PAX5: variants seen among roughly 807,000 people sequenced by gnomAD.
PAX5 encodes paired box protein Pax-5.
In PAX5, 9 loss-of-function variants were observed where a neutral mutation model predicts 43.7. The ratio of observed to expected loss-of-function variants is 0.21; its 90% confidence interval spans 0.12 to 0.36. PAX5 has a LOEUF of 0.36. PAX5 is among the 10% of genes least tolerant of loss of function. The pLI is 1.00. For missense variants in PAX5, 383 were observed against 532.7 expected, an observed-to-expected ratio of 0.72 and a Z score of 2.77; for synonymous variants, 228 against 214.3, an observed-to-expected ratio of 1.06 and a Z score of -0.56.
chr9:36,926,125 T>C (rs973710742), intron 6 of PAX5, among the ~76,000 whole-genome samples: 57 of 152,214 alleles, frequency 3.7e-4, no homozygotes, highest in African/African-American at 1.2e-3. Flanking sequence ...AGCGCAGGAA[T>C]GACTTGCCTA....
chr9:37,029,370 C>A (rs7038881), intron 1 of PAX5, among the ~76,000 whole-genome samples: 4,787 of 152,312 alleles, frequency 0.031, 220 homozygotes, highest in African/African-American at 0.098. Context: ...AAGTTTCCGG[C>A]GCTGACACCC....
intron 1 of PAX5, among the ~76,000 whole-genome samples, chr9:37,028,305 G>A (rs549940924): frequency 2.0e-5 from 3 of 152,076 alleles, no homozygotes; most frequent in Non-Finnish European, 2.9e-5. Context: ...CTCCTTCCAC[G>A]GAAATATTTC....
intron 1 of PAX5, 140 bp downstream of exon 1, chr9:37,033,846 A>G: frequency 1.4e-6 from 1 of 692,410 alleles, no homozygotes; most frequent in Admixed American, 2.5e-5. Context: ...AGGTGAAAAA[A>G]CATAACAAAC....
chr9:36,941,355 T>A (rs1803401992), intron 6 of PAX5, among the ~76,000 whole-genome samples: 1 of 152,240 alleles, frequency 6.6e-6, no homozygotes, highest in South Asian at 2.1e-4. Context: ...TTACTACCGC[T>A]ATTATTCCTC....
intron 5 of PAX5, among the ~76,000 whole-genome samples, chr9:37,001,946 T>G (rs541332793): frequency 6.7e-6 from 1 of 150,264 alleles, no homozygotes; most frequent in South Asian, 2.1e-4. Context: ...CCAGTTAAGG[T>G]GTCCGGTGTC....
chr9:36,889,091 T>C (rs1021097132), intron 7 of PAX5, among the ~76,000 whole-genome samples: 2 of 152,228 alleles, frequency 1.3e-5, no homozygotes, highest in Non-Finnish European at 2.9e-5. Context: ...TCTTTGTTAC[T>C]CTTCTCATGG....
intron 7 of PAX5, among the ~76,000 whole-genome samples, chr9:36,885,448 G>A (rs562783369): frequency 1.2e-4 from 18 of 152,240 alleles, no homozygotes; most frequent in Admixed American, 5.9e-4. Context: ...AATAGCCAGC[G>A]CTTACGGAGA....
At chr9:36,890,924 A>G (rs1827326670) in intron 7 of PAX5, among the ~76,000 whole-genome samples, 1 of 152,206 alleles carries the variant, frequency 6.6e-6, no homozygotes, top group Non-Finnish European at 1.5e-5. Flanking sequence ...GGATCACCTG[A>G]GGTCAGGAGT....
At chr9:36,885,562 G>A (rs920492603) in intron 7 of PAX5, among the ~76,000 whole-genome samples, 3 of 152,308 alleles carry the variant, frequency 2.0e-5, no homozygotes, top group African/African-American at 7.2e-5. Context: ...CTGAGGCACA[G>A]AGCATTTAAG....
In PAX5 at chr9:36,837,186, C is replaced by T. The variant is rs1047526559; in HGVS notation, c.*3374G>A. The T allele has an allele frequency of 1.7e-5, 4 of 233,016 alleles. No homozygotes were observed. The highest frequency in any genetic ancestry group is 2.5e-5 in the Non-Finnish European group (3 of 117,976). 14.4% of individuals were successfully genotyped at this position (233,016 alleles called of 1,614,324 possible). A position where few individuals can be genotyped will look rare whatever the true frequency, so the allele number is the denominator to read the frequency against. On this transcript the variant is annotated 3_prime_UTR_variant, in exon 10 of 10. Coordinates refer to ENST00000358127, the MANE Select transcript of PAX5 (RefSeq NM_016734.3). ...TGGGGCCTGGAGATCTGAGAATTCA[C>T]TTCGCCTCTATGTTGCCGTGAGAGC...
intron 3 of PAX5, among the ~76,000 whole-genome samples, chr9:37,008,686 C>T (rs570794961): frequency 6.6e-6 from 1 of 152,280 alleles, no homozygotes; most frequent in Admixed American, 6.5e-5. Context: ...TTGAGCTCAG[C>T]AAGGAGCCTC....
chr9:37,029,016 C>T (rs755455603), intron 1 of PAX5, among the ~76,000 whole-genome samples: 3 of 152,184 alleles, frequency 2.0e-5, no homozygotes, highest in Admixed American at 6.5e-5. Flanking sequence ...GCCATCTGGG[C>T]CCTGGCTCAA....
At chr9:37,024,322 C>T (rs933213434) in intron 1 of PAX5, among the ~76,000 whole-genome samples, 5 of 152,026 alleles carry the variant, frequency 3.3e-5, no homozygotes, top group Non-Finnish European at 7.4e-5. Context: ...AGTCCCTGCT[C>T]CTCTCCAAAG....
At chr9:36,885,453 C>T (rs3780140) in intron 7 of PAX5, among the ~76,000 whole-genome samples, 43,707 of 152,028 alleles carry the variant, frequency 0.29, 7,556 homozygotes, top group Non-Finnish European at 0.39. Flanking sequence ...CCAGCGCTTA[C>T]GGAGAGTAAA....
chr9:36,917,453 A>G (rs189769759), intron 7 of PAX5, among the ~76,000 whole-genome samples: 3 of 152,322 alleles, frequency 2.0e-5, no homozygotes, highest in Admixed American at 2.0e-4. Context: ...CAAATTTTCC[A>G]GTTTTTGTAA....
chr9:36,960,541 G>A (rs575464035), intron 6 of PAX5, among the ~76,000 whole-genome samples: 2 of 152,310 alleles, frequency 1.3e-5, no homozygotes, highest in East Asian at 3.9e-4. Context: ...AACTCTTATA[G>A]GAGGTAGGCT....
intron 6 of PAX5, among the ~76,000 whole-genome samples, chr9:36,965,501 T>G (rs981341566): frequency 2.0e-5 from 3 of 152,216 alleles, no homozygotes; most frequent in African/African-American, 7.2e-5. Context: ...CAGACTGTCA[T>G]AGATGGGTGG....
At chr9:36,925,743 C>A (rs1830595363) in intron 6 of PAX5, among the ~76,000 whole-genome samples, 1 of 152,174 alleles carries the variant, frequency 6.6e-6, no homozygotes, top group Non-Finnish European at 1.5e-5. Context: ...AACAAGTCTG[C>A]CCTTCATGGA....
At position 36,900,969 on chromosome 9, in the gene PAX5, A is replaced by G. The variant is rs545183707; in HGVS notation, c.911-18864T>C. On this transcript the variant is annotated intron_variant, in intron 7 of 9. Coordinates refer to ENST00000358127, the MANE Select transcript of PAX5 (RefSeq NM_016734.3). ...TGATGGCCGCCCACCTGTTCCTCAC[A>G]AGTGACTATTGCCAGTTCCACCCCT... Among the ~76,000 whole-genome samples the G allele has an allele frequency of 8.5e-5, 13 of 152,232 alleles. No homozygotes were observed. In the East Asian group the frequency reaches 2.3e-3, roughly 27 times the overall value.
Sources: allele counts gnomAD v4.1 joint callset (sites outside exome capture counted in the v4.1 genomes callset), GRCh38; gene constraint gnomAD v4.1.1; transcripts MANE v1.5; gene names NCBI Gene and HGNC (gene_info 2026-07-23, HGNC 2026-07-21).